Variants in PTGER3 observed in about 807,000 individuals in gnomAD.
PTGER3 encodes prostaglandin E2 receptor EP3 subtype.
A neutral mutation model predicts 34.7 loss-of-function variants in PTGER3; 22 were observed. That is an observed-to-expected ratio of 0.63 (90% CI 0.45 to 0.91). The LOEUF is 0.91. Ranked by LOEUF, PTGER3 falls within the 40% of genes least tolerant of loss-of-function variation. The pLI, the probability that PTGER3 is intolerant of heterozygous loss-of-function variation, is 0.00. For synonymous variants in PTGER3, 241 were observed against 230.1 expected (o/e 1.05, Z -0.43); for missense variants, 468 against 519.4 (o/e 0.90, Z 0.96).
intron 4 of PTGER3, chr1:70,862,232 T>G: frequency 1.6e-4 from 126 of 798,830 alleles, no homozygotes; most frequent in Middle Eastern, 2.9e-4. Context: ...ATAAAACAAA[T>G]GGAGATTTAA....
intron 1 of PTGER3, among the ~76,000 whole-genome samples, chr1:71,024,821 C>G (rs1229047745): frequency 6.6e-6 from 1 of 151,408 alleles, no homozygotes; most frequent in Admixed American, 6.6e-5. Context: ...TCCCAGTGTG[C>G]TGGGATTCCA....
chr1:70,852,798 A>T lies in PTGER3; in HGVS notation c.*85T>A, dbSNP rs1278971685. 4 of 1,609,906 alleles carry T rather than the reference A, an allele frequency of 2.5e-6. No individual in the cohort carries two copies. In the South Asian group the frequency reaches 4.4e-5, roughly 18 times the overall value. ...TTTTTTCTTTTACAAAAAGAGAGTCATGGAGCTTCCAGTGATGTGATCCTG... is the reference window on the plus strand; with the variant it reads ...TTTTTTCTTTTACAAAAAGAGAGTCTTGGAGCTTCCAGTGATGTGATCCTG... On this transcript the variant is annotated 3_prime_UTR_variant, in exon 5 of 5. Coordinates refer to the PTGER3 transcript ENST00000370931.
intron 4 of PTGER3, among the ~76,000 whole-genome samples, chr1:70,932,547 T>C (rs1272856822): frequency 6.6e-6 from 1 of 152,170 alleles, no homozygotes; most frequent in Non-Finnish European, 1.5e-5. Flanking sequence ...AGGTGAAATG[T>C]GCTTCTTACA....
chr1:70,856,057 C>T (rs6664305), intron 4 of PTGER3, among the ~76,000 whole-genome samples: 29,137 of 151,758 alleles, frequency 0.19, 3,190 homozygotes, highest in Admixed American at 0.33. Context: ...TCTAGTTGTG[C>T]CACTAAGACA....
At chr1:70,996,736 T>A (rs567832136) in intron 2 of PTGER3, among the ~76,000 whole-genome samples, 61 of 151,776 alleles carry the variant, frequency 4.0e-4, no homozygotes, top group African/African-American at 1.4e-3. Context: ...AGATCTCGGC[T>A]CACTGCAAGC....
Position 71,011,286 on chromosome 1 carries a change from A to G in PTGER3, c.1077+1019T>C, listed in dbSNP as rs1440224800. On this transcript the variant is annotated intron_variant, in intron 2 of 3. Transcript: ENST00000306666. ...ATGTTATTAACTTTCTTATATAAAT[A>G]GGCCAAAATATGGAAAGTATTCATT... 4.1e-6 allele frequency: 4 copies of G among 985,032 alleles called. No homozygotes were observed. In the Admixed American group the frequency reaches 1.8e-4, roughly 45 times the overall value. The allele number at this position is 985,032 out of a possible 1,614,324, so 61.0% of individuals were successfully genotyped here.
intron 4 of PTGER3, among the ~76,000 whole-genome samples, chr1:70,905,481 T>A (rs1260906172): frequency 6.6e-6 from 1 of 152,182 alleles, no homozygotes; most frequent in Non-Finnish European, 1.5e-5. Context: ...GGGGCAAAGC[T>A]GCCCAAGTCT....
At chr1:70,875,954 CAAT>C (rs1240513435) in intron 4 of PTGER3, among the ~76,000 whole-genome samples, 1 of 152,114 alleles carries the variant, frequency 6.6e-6, no homozygotes, top group African/African-American at 2.4e-5. Flanking sequence ...GGCACATACT[CAAT>C]AATGGGATTG....
intron 4 of PTGER3, among the ~76,000 whole-genome samples, chr1:70,927,491 A>G (rs1338371083): frequency 1.3e-5 from 2 of 152,358 alleles, no homozygotes; most frequent in Admixed American, 6.5e-5. Context: ...TAGAGAGGAT[A>G]GCATTATATA....
At chr1:70,948,222 G>A (rs1474085479), downstream of PTGER3, among the ~76,000 whole-genome samples, 1 of 152,012 alleles carries the variant, frequency 6.6e-6, no homozygotes, top group African/African-American at 2.4e-5. Context: ...AATTATACAT[G>A]GTAGGGACCC....
intron 2 of PTGER3, chr1:71,009,212 G>A (rs1191053197): frequency 1.0e-6 from 1 of 985,108 alleles, no homozygotes; most frequent in Middle Eastern, 5.2e-4. Context: ...CCAGTTTTTA[G>A]TTTGTCTGTC....
chr1:70,853,974 C>A (rs1645742452), intron 4 of PTGER3, among the ~76,000 whole-genome samples: 1 of 152,044 alleles, frequency 6.6e-6, no homozygotes, highest in Non-Finnish European at 1.5e-5. Flanking sequence ...AAAATAAACT[C>A]AAAATGAATT....
intron 2 of PTGER3, among the ~76,000 whole-genome samples, chr1:70,999,628 G>C (rs1387675207): frequency 6.6e-6 from 1 of 152,160 alleles, no homozygotes; most frequent in African/African-American, 2.4e-5. Flanking sequence ...ATTTTCTACA[G>C]TCTCTTAGGA....
Position 70,941,908 on chromosome 1 carries a change from T to A in PTGER3, c.*23+11855A>T, listed in dbSNP as rs151268019. On this transcript the variant is annotated intron_variant, in intron 4 of 4. Transcript: ENST00000370931. ...ATTACATTTTAAAATTAAAATTTAA[T>A]CACGACCGTCCTCCTTAAAAATCCT... Among the ~76,000 whole-genome samples the A allele has an allele frequency of 8.5e-3, 1,299 of 152,248 alleles. 13 individuals carry two copies. The highest frequency in any genetic ancestry group is 0.03 in the African/African-American group (1,229 of 41,544).
At chr1:71,002,115 A>T (rs1252070846) in intron 2 of PTGER3, 3 of 152,034 alleles carry the variant, frequency 2.0e-5, no homozygotes, top group Non-Finnish European at 2.9e-5. Flanking sequence ...TAAAAAAAAT[A>T]AGCCTAGTGA....
intron 2 of PTGER3, among the ~76,000 whole-genome samples, chr1:70,975,054 T>G (rs1438715056): frequency 2.0e-5 from 3 of 152,208 alleles, no homozygotes; most frequent in Non-Finnish European, 4.4e-5. Flanking sequence ...TGCCTCACTA[T>G]ATGACATCTA....
At chr1:71,012,117 T>A (rs1657496579) in intron 2 of PTGER3, 188 bp downstream of exon 2, 1 of 1,509,462 alleles carries the variant, frequency 6.6e-7, no homozygotes, top group East Asian at 2.3e-5. Flanking sequence ...TCCACTTCAA[T>A]GCATAAACAG....
At chr1:71,013,889 CA>C (rs1657665896) in intron 1 of PTGER3, among the ~76,000 whole-genome samples, 1 of 152,016 alleles carries the variant, frequency 6.6e-6, no homozygotes, top group African/African-American at 2.4e-5. Context: ...CAATCCCAAG[CA>C]AAGAAATGAG....
chr1:70,954,533 A>G (rs1414728199), intron 2 of PTGER3, among the ~76,000 whole-genome samples: 1 of 152,184 alleles, frequency 6.6e-6, no homozygotes, highest in African/African-American at 2.4e-5. Flanking sequence ...GCAAATGGGC[A>G]TTAAGATCTT....
Sources: gnomAD v4.1 joint callset for allele counts (sites outside exome capture counted in the v4.1 genomes callset) on GRCh38, gnomAD v4.1.1 for gene constraint, MANE v1.5 for transcripts, NCBI Gene and HGNC (gene_info 2026-07-23, HGNC 2026-07-21) for gene names.